ZBTB7C: variants seen among roughly 807,000 people sequenced by gnomAD.
ZBTB7C encodes zinc finger and BTB domain-containing protein 7C.
ZBTB7C carries 8 observed loss-of-function variants against 25.7 expected under a neutral mutation model. The ratio of observed to expected loss-of-function variants is 0.31; its 90% CI spans 0.18 to 0.56. The LOEUF (loss-of-function observed/expected upper bound fraction) is 0.56. ZBTB7C is among the 20% of genes least tolerant of loss of function. The probability of loss-of-function intolerance (pLI) is 0.91; values close to 1 mark genes in which losing one functional copy is unlikely to be tolerated. For missense variants in ZBTB7C, 824 were observed against 855.2 expected (o/e 0.96, Z 0.46); for synonymous variants, 394 against 369.0 (o/e 1.07, Z -0.78).
chr18:48,371,240 T>C (rs1484246448), intron 1 of ZBTB7C, among the ~76,000 whole-genome samples: 1 of 152,182 alleles, frequency 6.6e-6, no homozygotes, highest in Non-Finnish European at 1.5e-5. Flanking sequence ...GGCCACCTTC[T>C]AGAAACTCCT....
chr18:48,389,228 CTCTCTCTCGTG>C, intron 1 of ZBTB7C, among the ~76,000 whole-genome samples: 2 of 94,172 alleles, frequency 2.1e-5, no homozygotes, highest in South Asian at 8.0e-4. Flanking sequence ...CTCTCTCTCT[CTCTCTCTCGTG>C]TGTGTGTGTG....
chr18:48,039,946 C>T lies in ZBTB7C; in HGVS notation c.1162G>A (p.Gly388Arg), dbSNP rs1253516299. ...ATGGTGCACATGTATGGCTTCTCCC[C>T]GGTATGGGTCCTCATGTGCCGCGGC... ...KLPRHMRTHT[G>R]EKPYMCTICE... Residue 388 changes from glycine to arginine, a missense_variant, in exon 4 of 5, where the codon GGG becomes AGG. Gly to Arg is a moderately radical substitution (Grantham distance 125, BLOSUM62 -2). Around this residue, in one of 4 missense-constraint regions of ZBTB7C, gnomAD observed 49 missense variants for 81.3 expected, o/e 0.60. Coordinates refer to ENST00000590800, the MANE Select transcript of ZBTB7C (RefSeq NM_001318841.2). 5.6e-6 allele frequency: 9 copies of T among 1,613,730 alleles called. No individual in the cohort carries two copies. Among genetic ancestry groups the T allele is most frequent in the Non-Finnish European group, 7.6e-6 (9 of 1,180,046 alleles).
chr18:48,143,708 T>A (rs1377400724), intron 3 of ZBTB7C, among the ~76,000 whole-genome samples: 2 of 152,182 alleles, frequency 1.3e-5, no homozygotes, highest in Non-Finnish European at 2.9e-5. Context: ...CTAAGTCCGG[T>A]TAGCAAGAAT....
intron 3 of ZBTB7C, among the ~76,000 whole-genome samples, chr18:48,096,518 C>T (rs72920039): frequency 0.028 from 4,296 of 152,200 alleles, 88 homozygotes; most frequent in Non-Finnish European, 0.04. Context: ...GATGTGACAA[C>T]GTTTGACAGG....
At chr18:48,123,987 C>G (rs1264636348) in intron 3 of ZBTB7C, among the ~76,000 whole-genome samples, 1 of 152,154 alleles carries the variant, frequency 6.6e-6, no homozygotes, top group Admixed American at 6.5e-5. Context: ...GGTTTCTTTC[C>G]TGCAGGGCTC....
chr18:48,031,494 A>G (rs887700471), intron 4 of ZBTB7C, among the ~76,000 whole-genome samples: 2 of 152,186 alleles, frequency 1.3e-5, no homozygotes, highest in African/African-American at 4.8e-5. Context: ...TGGTCTCTGT[A>G]ACCCAGATTT....
At chr18:48,087,470 G>A (rs1023966687) in intron 3 of ZBTB7C, among the ~76,000 whole-genome samples, 1 of 152,146 alleles carries the variant, frequency 6.6e-6, no homozygotes, top group Admixed American at 6.5e-5. Flanking sequence ...CTGTGACCCT[G>A]GTCTGGCAGA....
At chr18:48,067,105 A>AAAACAAAAC (rs1568190749) in intron 3 of ZBTB7C, among the ~76,000 whole-genome samples, 102 of 152,046 alleles carry the variant, frequency 6.7e-4, no homozygotes, top group African/African-American at 1.6e-3. Context: ...CCATCTCCAA[A>AAAACAAAAC]AAAACAAAAC....
intron 2 of ZBTB7C, among the ~76,000 whole-genome samples, chr18:48,273,063 T>C (rs1160119154): frequency 6.6e-6 from 1 of 152,216 alleles, no homozygotes. Flanking sequence ...GAAAACATTC[T>C]GGAATTAGTA....
intron 2 of ZBTB7C, among the ~76,000 whole-genome samples, chr18:48,190,878 C>T (rs560017475): frequency 1.3e-5 from 2 of 152,168 alleles, no homozygotes; most frequent in African/African-American, 4.8e-5. Flanking sequence ...ATCTTCCCCC[C>T]ACCACCCAAT....
chr18:48,371,468 C>T (rs57634076), intron 1 of ZBTB7C, among the ~76,000 whole-genome samples: 1 of 152,192 alleles, frequency 6.6e-6, no homozygotes. Context: ...ATCATTCAGA[C>T]AATTAGCAGC....
chr18:48,114,165 T>C (rs909480116), intron 3 of ZBTB7C, among the ~76,000 whole-genome samples: 2 of 152,116 alleles, frequency 1.3e-5, no homozygotes, highest in Non-Finnish European at 2.9e-5. Context: ...GTGGGGACAC[T>C]GGGAACTGAT....
chr18:48,029,775 G>A lies in ZBTB7C; in HGVS notation c.1345C>T (p.Gln449Ter). The change falls in exon 5 of 5, where the codon CAG becomes TAG. Residue 449 changes from glutamine (Q) to a stop codon, truncating the protein, a stop_gained. Transcript: ENST00000590800. LOFTEE classifies it low-confidence loss of function (END_TRUNC). Reference sequence around the variant, plus strand: ...AAGCTCTTGTAGCAGAACTCGCACTGGTAGGGCCGCACGCCCGTGTGGATG... The same window carrying A: ...AAGCTCTTGTAGCAGAACTCGCACTAGTAGGGCCGCACGCCCGTGTGGATG... ...MRIHTGVRPYQCEFCYKSFTR... is the reference protein window; with the variant it reads ...MRIHTGVRPY The A allele has an allele frequency of 6.2e-7, 1 of 1,608,722 alleles. No individual in the cohort carries two copies. The highest frequency in any genetic ancestry group is 8.5e-7 in the Non-Finnish European group (1 of 1,179,996).
chr18:48,365,440 A>G (rs2047200343), intron 1 of ZBTB7C, among the ~76,000 whole-genome samples: 1 of 152,242 alleles, frequency 6.6e-6, no homozygotes, highest in Admixed American at 6.5e-5. Context: ...ATGTCATATT[A>G]TATAAGACTC....
chr18:48,093,134 C>G (rs548156793), intron 3 of ZBTB7C, among the ~76,000 whole-genome samples: 71 of 152,344 alleles, frequency 4.7e-4, no homozygotes, highest in African/African-American at 1.6e-3. Flanking sequence ...ACTGTATTAA[C>G]AGAGCACTGA....
chr18:48,284,220 C>T (rs897577814), intron 2 of ZBTB7C, among the ~76,000 whole-genome samples: 1 of 152,068 alleles, frequency 6.6e-6, no homozygotes, highest in Non-Finnish European at 1.5e-5. Flanking sequence ...TCTGGGAGGC[C>T]AAGGCAGGAG....
intron 3 of ZBTB7C, among the ~76,000 whole-genome samples, chr18:48,104,641 G>A (rs1240257896): frequency 2.0e-5 from 3 of 152,192 alleles, no homozygotes; most frequent in African/African-American, 7.2e-5. Context: ...TTTGGTAATC[G>A]TTAGCTGTAA....
At chr18:48,211,331 C>T (rs2042697608) in intron 2 of ZBTB7C, among the ~76,000 whole-genome samples, 3 of 152,198 alleles carry the variant, frequency 2.0e-5, no homozygotes, top group Middle Eastern at 3.4e-3. Context: ...AAAGAAACAA[C>T]TGGTAAGCTG....
In ZBTB7C at chr18:48,040,043, C is replaced by G; in HGVS notation, c.1065G>C (p.Glu355Asp). Residue 355 changes from glutamate to aspartate, a missense_variant, in exon 4 of 5, where the codon GAG (glutamate) becomes GAC (aspartate). This residue lies in a region of ZBTB7C where 316 missense variants were observed against 299.2 expected (regional missense o/e 1.06). Transcript: ENST00000590800. ...GAGAGGCCTTGGGCTTCAGCTTGCG[C>G]TCTTCTACCAGGGGCCAGGGTGGGA... ...GLFPPWPLVEERKLKPKASQQ... is the reference protein window; with the variant it reads ...GLFPPWPLVEDRKLKPKASQQ... The G allele has an allele frequency of 6.2e-7, 1 of 1,614,136 alleles. No individual in the cohort carries two copies. The highest frequency in any genetic ancestry group is 8.5e-7 in the Non-Finnish European group (1 of 1,180,012).
Sources: gnomAD v4.1 joint callset for allele counts (sites outside exome capture counted in the v4.1 genomes callset) on GRCh38, gnomAD v4.1.1 for gene constraint, gnomAD v4.1.1 regional missense constraint, MANE v1.5 for transcripts, NCBI Gene and HGNC (gene_info 2026-07-23, HGNC 2026-07-21) for gene names.